Variants in AKIRIN2 observed in about 807,000 individuals in gnomAD.
AKIRIN2 encodes akirin 2.
AKIRIN2 carries 6 observed loss-of-function variants against 29.3 expected under a neutral mutation model. The ratio of observed to expected loss-of-function variants is 0.20; its 90% CI spans 0.11 to 0.40. AKIRIN2 has a LOEUF of 0.40. Among genes scored for constraint, AKIRIN2 ranks in the 10% least tolerant of loss-of-function variants. The pLI, the probability that AKIRIN2 is intolerant of heterozygous loss-of-function variation, is 1.00. For missense variants in AKIRIN2, 210 were observed against 276.1 expected, an observed-to-expected ratio of 0.76 and a Z score of 1.70; for synonymous variants, 128 against 117.5, an observed-to-expected ratio of 1.09 and a Z score of -0.58.
At chr6:87,701,015 G>A (rs1297130292) in intron 1 of AKIRIN2, among the ~76,000 whole-genome samples, 1 of 144,852 alleles carries the variant, frequency 6.9e-6, no homozygotes, top group East Asian at 2.1e-4. Flanking sequence ...AAACCACCCA[G>A]TCCCAGAGTT....
chr6:87,692,802 T>C (rs1771296592), intron 1 of AKIRIN2, among the ~76,000 whole-genome samples: 1 of 152,094 alleles, frequency 6.6e-6, no homozygotes, highest in Non-Finnish European at 1.5e-5. Context: ...AGAGTAAGAC[T>C]CTTGTCTCAA....
chr6:87,690,278 T>C (rs978019815), intron 1 of AKIRIN2, among the ~76,000 whole-genome samples: 19 of 151,736 alleles, frequency 1.3e-4, no homozygotes, highest in African/African-American at 4.4e-4. Flanking sequence ...TGGTTTACTA[T>C]TGGACATACT....
At chr6:87,691,768 G>A (rs1031104910) in intron 1 of AKIRIN2, among the ~76,000 whole-genome samples, 3 of 152,184 alleles carry the variant, frequency 2.0e-5, no homozygotes, top group Non-Finnish European at 4.4e-5. Context: ...TCAAATAAGA[G>A]GAGGACTGAT....
At chr6:87,682,268 TAAA>T (rs777976324) in intron 1 of AKIRIN2, among the ~76,000 whole-genome samples, 2 of 152,154 alleles carry the variant, frequency 1.3e-5, no homozygotes, top group Non-Finnish European at 2.9e-5. Context: ...GATGGGAACT[TAAA>T]AAGTCATCAT....
rs1771123329 is a variant in AKIRIN2 at position 87,681,589 on chromosome 6, A to C, written c.379+31T>G. On this transcript the variant is annotated intron_variant, in intron 2 of 4. Coordinates refer to ENST00000257787, the MANE Select transcript of AKIRIN2 (RefSeq NM_018064.4). ...TTAGACTTTTCCCACTCTAAATAAT[A>C]AACTTTGTAAATGACAAGAAATGTT... 3 of 1,587,494 alleles carry C rather than the reference A, an allele frequency of 1.9e-6. No homozygotes were observed. The South Asian group carries it at 3.5e-5, about 18-fold the overall frequency.
chr6:87,682,037 T>G (rs539156590), intron 1 of AKIRIN2, among the ~76,000 whole-genome samples: 1 of 152,086 alleles, frequency 6.6e-6, no homozygotes, highest in African/African-American at 2.4e-5. Flanking sequence ...GGTCAAGGAG[T>G]CTGTGAACCA....
intron 1 of AKIRIN2, among the ~76,000 whole-genome samples, chr6:87,691,449 A>G (rs968617325): frequency 3.0e-4 from 42 of 141,784 alleles, no homozygotes; most frequent in African/African-American, 1.3e-3. Context: ...TTAAAAAAAA[A>G]AAAAAAAAAA....
chr6:87,701,722 C>T lies in AKIRIN2; in HGVS notation c.-38G>A. 1 of 1,370,314 alleles carries T rather than the reference C, an allele frequency of 7.3e-7. No homozygotes were observed. The highest frequency in any genetic ancestry group is 9.6e-7 in the Non-Finnish European group (1 of 1,046,114). 84.9% of individuals were successfully genotyped at this position (1,370,314 alleles called of 1,614,324 possible). ...CTGAGGCGCCGGGCTCGGGTGGGGT[C>T]GGGGACGGGTGACGAAAGAAGAGGG... On this transcript the variant is annotated 5_prime_UTR_variant, in exon 1 of 5. Transcript: ENST00000257787.
At chr6:87,686,909 G>T (rs188090021) in intron 1 of AKIRIN2, among the ~76,000 whole-genome samples, 162 of 151,594 alleles carry the variant, frequency 1.1e-3, no homozygotes, top group Non-Finnish European at 1.7e-3. Context: ...AGCCAGGCAT[G>T]GTGGTGGGCG....
intron 2 of AKIRIN2, 28 bp downstream of exon 2, chr6:87,681,592 C>T: frequency 6.3e-7 from 1 of 1,587,930 alleles, no homozygotes; most frequent in South Asian, 1.2e-5. Context: ...AAATAATAAA[C>T]TTTGTAAATG....
In AKIRIN2 at chr6:87,690,922, G is replaced by A. The variant is rs183458317; in HGVS notation, c.236-9159C>T. ...CAGGAGATGGAGGTTGCAGCGAGCG[G>A]AGACTGCACCACTGCACTCCAGCCT... On this transcript the variant is annotated intron_variant, in intron 1 of 4. Transcript: ENST00000257787. Among the ~76,000 whole-genome samples, 275 of 152,182 alleles carry A rather than the reference G, an allele frequency of 1.8e-3. 1 individual carries two copies. The highest frequency in any genetic ancestry group is 2.2e-3 in the Non-Finnish European group (152 of 68,008).
rs201472497 is a variant in AKIRIN2, at chr6:87,687,439, C to CA, written c.236-5677dup. On this transcript the variant is annotated intron_variant, in intron 1 of 4. Coordinates refer to ENST00000257787, the MANE Select transcript of AKIRIN2 (RefSeq NM_018064.4). ...GGGCAACAAGAGCAAAATTCCGTTT[C>CA]AAAAAAAAAAAAAAAAACACACTAC... Among the ~76,000 whole-genome samples the CA allele has an allele frequency of 4.6e-3, 506 of 109,112 alleles. 15 individuals are homozygous for CA. The highest frequency in any genetic ancestry group is 0.018 in the East Asian group (68 of 3,744). The allele number at this position is 109,112 out of a possible 152,430, so 71.6% of individuals were successfully genotyped here.
At chr6:87,695,900 G>A (rs1450140791) in intron 1 of AKIRIN2, among the ~76,000 whole-genome samples, 1 of 152,108 alleles carries the variant, frequency 6.6e-6, no homozygotes, top group Non-Finnish European at 1.5e-5. Context: ...AAAACCTGCC[G>A]GGCACAGTGG....
chr6:87,687,456 A>C (rs1287766894), intron 1 of AKIRIN2, among the ~76,000 whole-genome samples: 3 of 149,288 alleles, frequency 2.0e-5, no homozygotes, highest in Non-Finnish European at 4.5e-5. Context: ...AAAAAAAAAA[A>C]CACACTACTT....
At chr6:87,693,925 A>T (rs1185879297) in intron 1 of AKIRIN2, among the ~76,000 whole-genome samples, 1 of 152,208 alleles carries the variant, frequency 6.6e-6, no homozygotes, top group Admixed American at 6.5e-5. Context: ...TATACCACTT[A>T]GAAAAGTTCT....
At chr6:87,679,430 G>C (rs1050733146) in intron 2 of AKIRIN2, among the ~76,000 whole-genome samples, 1 of 150,698 alleles carries the variant, frequency 6.6e-6, no homozygotes, top group East Asian at 1.9e-4. Flanking sequence ...AGGCTGAGGT[G>C]GAGGTTGCAG....
At chr6:87,691,678 A>G (rs1056805659) in intron 1 of AKIRIN2, among the ~76,000 whole-genome samples, 2 of 152,172 alleles carry the variant, frequency 1.3e-5, no homozygotes, top group Non-Finnish European at 2.9e-5. Context: ...TAGGGAGTAG[A>G]GGGAAATTGT....
chr6:87,677,806 C>G lies in AKIRIN2; in HGVS notation c.529+12G>C. 1 of 1,610,572 alleles carries G rather than the reference C, an allele frequency of 6.2e-7. No homozygotes were observed. Among genetic ancestry groups the G allele is most frequent in the Admixed American group, 1.7e-5 (1 of 59,672 alleles). ...TGAGTTCCTCAGAAACTCTAATAAA[C>G]ACACCTCATACCTGCAAGTTTTGTG... On this transcript the variant is annotated intron_variant, in intron 3 of 4. Coordinates refer to ENST00000257787, the MANE Select transcript of AKIRIN2 (RefSeq NM_018064.4).
At chr6:87,701,091 C>T (rs932572375) in intron 1 of AKIRIN2, among the ~76,000 whole-genome samples, 2 of 151,964 alleles carry the variant, frequency 1.3e-5, no homozygotes, top group Admixed American at 6.6e-5. Flanking sequence ...GACCCTTTCG[C>T]CTAAATTTAC....
Sources: allele counts gnomAD v4.1 joint callset (sites outside exome capture counted in the v4.1 genomes callset), GRCh38; gene constraint gnomAD v4.1.1; transcripts MANE v1.5; gene names NCBI Gene and HGNC (gene_info 2026-07-23, HGNC 2026-07-21).